Variants in MYOM2 observed in about 807,000 individuals in gnomAD.
The protein encoded by MYOM2 is myomesin-2.
Under a neutral mutation model 187.6 loss-of-function variants are expected in MYOM2, and 254 were observed. The ratio of observed to expected loss-of-function variants is 1.35; its 90% CI spans 1.22 to 1.50. The LOEUF is 1.50. Among genes scored for constraint, MYOM2 ranks in the 40% most tolerant of loss-of-function variants. The pLI is 0.00. For synonymous variants in MYOM2, 981 were observed against 753.8 expected (o/e 1.30, Z -4.94); for missense variants, 2,796 against 1,924.0 (o/e 1.45, Z -8.48).
chr8:2,096,537 C>CGG, intron 18 of MYOM2, 103 bp downstream of exon 18: 1 of 1,060,180 alleles, frequency 9.4e-7, no homozygotes, highest in Non-Finnish European at 1.4e-6. Context: ...GATACAGACA[C>CGG]AAAAATGGAT....
At chr8:2,091,054 T>C (rs576485741) in intron 15 of MYOM2, among the ~76,000 whole-genome samples, 2 of 127,496 alleles carry the variant, frequency 1.6e-5, no homozygotes, top group Admixed American at 8.8e-5. Flanking sequence ...TGAGGAATCA[T>C]GACACTACTT....
At chr8:2,086,847 A>G (rs182259380) in intron 14 of MYOM2, among the ~76,000 whole-genome samples, 10 of 152,340 alleles carry the variant, frequency 6.6e-5, no homozygotes, top group Admixed American at 6.5e-4. Flanking sequence ...ATGCTTGTGC[A>G]CAAGCCGTAT....
At chr8:2,045,341 C>A (rs188058954) in intron 1 of MYOM2, among the ~76,000 whole-genome samples, 173 bp downstream of exon 1, 38 of 152,206 alleles carry the variant, frequency 2.5e-4, no homozygotes, top group African/African-American at 8.0e-4. Context: ...GTTCTGGGAT[C>A]TGTATTTCTT....
intron 19 of MYOM2, among the ~76,000 whole-genome samples, chr8:2,100,153 C>CTTCCTTCT (rs1796654442): frequency 1.5e-4 from 20 of 137,418 alleles, no homozygotes; most frequent in African/African-American, 5.5e-4. Flanking sequence ...TCCTTCCTTC[C>CTTCCTTCT]TTCCTTCCTT....
chr8:2,090,219 G>A, intron 15 of MYOM2, 28 bp downstream of exon 15: 1 of 1,602,562 alleles, frequency 6.2e-7, no homozygotes, highest in Non-Finnish European at 8.5e-7. Context: ...GTGGCCCCAA[G>A]TCAGGATGGA....
chr8:2,063,463 G>A (rs373869382), intron 6 of MYOM2, among the ~76,000 whole-genome samples: 7 of 152,106 alleles, frequency 4.6e-5, no homozygotes, highest in Admixed American at 1.3e-4. Context: ...ATTTTCCCAT[G>A]GGACTCATGA....
In MYOM2 at chr8:2,145,315, T is replaced by C; in HGVS notation, c.*334T>C. The C allele has an allele frequency of 2.3e-6, 1 of 433,518 alleles. No homozygotes were observed. Among genetic ancestry groups the C allele is most frequent in the East Asian group, 4.5e-5 (1 of 22,382 alleles). The allele number at this position is 433,518 out of a possible 1,614,324, so 26.9% of individuals were successfully genotyped here. A position where few individuals can be genotyped will look rare whatever the true frequency, so the allele number is the denominator to read the frequency against. Reference sequence around the variant, plus strand: ...CCTGGACGTGTGCAGCATGTGGCGGTCTGTGTGAAGCCACCGTGCTTCTCT... The same window carrying C: ...CCTGGACGTGTGCAGCATGTGGCGGCCTGTGTGAAGCCACCGTGCTTCTCT... On this transcript the variant is annotated 3_prime_UTR_variant, in exon 37 of 37. Transcript: ENST00000262113.
At chr8:2,139,555 G>A (rs1798203334) in intron 32 of MYOM2, among the ~76,000 whole-genome samples, 1 of 152,172 alleles carries the variant, frequency 6.6e-6, no homozygotes, top group South Asian at 2.1e-4. Context: ...TGGAACATAG[G>A]CATTCTTGGT....
rs765074195 is a variant in MYOM2, at chr8:2,106,612, G to A, written c.2998+15G>A. ...GGACCCAGAAGGTAATATTTATATGGCAGAACCTTGCCTGTTTTGGTTTTA... is the reference window on the plus strand; with the variant it reads ...GGACCCAGAAGGTAATATTTATATGACAGAACCTTGCCTGTTTTGGTTTTA... On this transcript the variant is annotated intron_variant, in intron 23 of 36. Coordinates refer to ENST00000262113, the MANE Select transcript of MYOM2 (RefSeq NM_003970.4). 1.9e-6 allele frequency: 3 copies of A among 1,554,578 alleles called. No homozygotes were observed. Among genetic ancestry groups the A allele is most frequent in the Non-Finnish European group, 2.6e-6 (3 of 1,135,376 alleles).
At chr8:2,117,086 G>T (rs1197582269) in intron 27 of MYOM2, among the ~76,000 whole-genome samples, 2 of 152,074 alleles carry the variant, frequency 1.3e-5, no homozygotes, top group Non-Finnish European at 2.9e-5. Context: ...TTATATATGG[G>T]ATTTCTGAAC....
chr8:2,047,481 A>G (rs1216289010), intron 1 of MYOM2, among the ~76,000 whole-genome samples: 2 of 152,242 alleles, frequency 1.3e-5, no homozygotes, highest in African/African-American at 4.8e-5. Context: ...TCAAATGCGC[A>G]GAAGACTTGA....
At chr8:2,141,848 G>A (rs745479084) in intron 34 of MYOM2, among the ~76,000 whole-genome samples, 12 of 152,158 alleles carry the variant, frequency 7.9e-5, no homozygotes, top group Admixed American at 3.3e-4. Context: ...CTGCTGCTCT[G>A]CCAGTCATCA....
In MYOM2 at chr8:2,145,069, G is replaced by A. The variant is rs1394425986; in HGVS notation, c.*88G>A. The A allele has an allele frequency of 4.9e-6, 7 of 1,440,178 alleles. No individual in the cohort carries two copies. In the East Asian group the frequency reaches 1.2e-4, roughly 25 times the overall value. The allele number at this position is 1,440,178 out of a possible 1,614,324, so 89.2% of individuals were successfully genotyped here. A position where few individuals can be genotyped will look rare whatever the true frequency, so the allele number is the denominator to read the frequency against. On this transcript the variant is annotated 3_prime_UTR_variant, in exon 37 of 37. Coordinates refer to ENST00000262113, the MANE Select transcript of MYOM2 (RefSeq NM_003970.4). ...TGTTCCAAATGAGCAGCTGGCATCC[G>A]AGTGGTGTCCTGTGTGGGCTGATAG... is the stretch of plus-strand genomic sequence containing the variant.
chr8:2,062,930 G>A (rs764987758), intron 6 of MYOM2, among the ~76,000 whole-genome samples: 3 of 152,218 alleles, frequency 2.0e-5, no homozygotes, highest in African/African-American at 7.2e-5. Context: ...GGCACCACAT[G>A]GGCTTCGAAC....
intron 32 of MYOM2, among the ~76,000 whole-genome samples, chr8:2,136,993 C>T (rs1585975174): frequency 6.6e-6 from 1 of 152,194 alleles, no homozygotes; most frequent in East Asian, 1.9e-4. Flanking sequence ...TTCTTCATGG[C>T]TCTAAGTCTA....
At chr8:2,078,106 C>A (rs1432835815) in intron 11 of MYOM2, among the ~76,000 whole-genome samples, 1 of 152,198 alleles carries the variant, frequency 6.6e-6, no homozygotes, top group Admixed American at 6.5e-5. Context: ...TTACATTTTT[C>A]AACCTGTGAA....
chr8:2,108,881 G>C, intron 24 of MYOM2, 51 bp downstream of exon 24: 9 of 1,580,324 alleles, frequency 5.7e-6, no homozygotes, highest in Non-Finnish European at 6.1e-6. Context: ...TGGCTGGAGG[G>C]CCGTGTTCAT....
chr8:2,091,661 C>G (rs1563048460), intron 15 of MYOM2, among the ~76,000 whole-genome samples: 1 of 152,240 alleles, frequency 6.6e-6, no homozygotes, highest in East Asian at 1.9e-4. Context: ...CTATCTGGCT[C>G]TGGTTTTAAC....
chr8:2,144,824 G>A lies in MYOM2; in HGVS notation c.4241G>A (p.Gly1414Asp). 1.2e-6 allele frequency: 2 copies of A among 1,614,190 alleles called. No individual in the cohort carries two copies. The highest frequency in any genetic ancestry group is 1.7e-6 in the Non-Finnish European group (2 of 1,180,036). The change falls in exon 37 of 37, where the codon GGC (glycine) becomes GAC (aspartate). Residue 1414 changes from glycine to aspartate, a missense_variant. Transcript: ENST00000262113. Reference protein sequence around the residue: ...TIKGVTSEDSGKYSINIKNKY... With the variant: ...TIKGVTSEDSDKYSINIKNKY... The stretch of plus-strand genomic sequence containing the variant: ...AAAGGCGTGACCTCCGAGGACTCGG[G>A]CAAGTACAGCATCAACATCAAGAAT...
Sources: allele counts gnomAD v4.1 joint callset (sites outside exome capture counted in the v4.1 genomes callset), GRCh38; gene constraint gnomAD v4.1.1; transcripts MANE v1.5; gene names NCBI Gene and HGNC (gene_info 2026-07-23, HGNC 2026-07-21).